The following TMEM267 variants were observed in gnomAD, a reference collection of about 807,000 sequenced individuals.
TMEM267 encodes transmembrane protein C5orf28.
In TMEM267, 20 loss-of-function variants were observed where a neutral mutation model predicts 19.3. The observed-to-expected ratio is 1.04, with a 90% CI of 0.73 to 1.51. TMEM267 has a LOEUF of 1.51. Ranked by LOEUF, TMEM267 falls within the 40% of genes most tolerant of loss-of-function variation. The probability of loss-of-function intolerance (pLI) is 0.00; values close to 1 mark genes in which losing one functional copy is unlikely to be tolerated. For missense variants in TMEM267, 242 were observed against 261.9 expected (o/e 0.92, Z 0.52); for synonymous variants, 88 against 90.3 (o/e 0.97, Z 0.15).
At chr5:43,464,151 T>C (rs1166552577) in intron 1 of TMEM267, among the ~76,000 whole-genome samples, 2 of 152,144 alleles carry the variant, frequency 1.3e-5, no homozygotes, top group African/African-American at 4.8e-5. Context: ...AGCATTCTTA[T>C]ACACCAATAA....
At chr5:43,468,957 A>AT (rs1408356960) in intron 1 of TMEM267, among the ~76,000 whole-genome samples, 1 of 152,236 alleles carries the variant, frequency 6.6e-6, no homozygotes, top group Non-Finnish European at 1.5e-5. Context: ...ATAAAACAAT[A>AT]TTCTCCTGAA....
chr5:43,459,874 G>A (rs6867927), intron 1 of TMEM267, among the ~76,000 whole-genome samples: 11,607 of 152,116 alleles, frequency 0.076, 772 homozygotes, highest in African/African-American at 0.18. Context: ...ATGGTTTTGC[G>A]ATGATTCAAG....
chr5:43,450,513 C>G (rs1184209928), intron 2 of TMEM267, among the ~76,000 whole-genome samples: 1 of 152,164 alleles, frequency 6.6e-6, no homozygotes, highest in Non-Finnish European at 1.5e-5. Context: ...TGTGCACTAT[C>G]TCACTTGATC....
intron 1 of TMEM267, among the ~76,000 whole-genome samples, chr5:43,478,422 T>G (rs1423891354): frequency 2.0e-5 from 3 of 152,164 alleles, no homozygotes; most frequent in Non-Finnish European, 2.9e-5. Flanking sequence ...CTTATATGAA[T>G]TTGTCAACAG....
At chr5:43,472,175 C>G (rs1416399714) in intron 1 of TMEM267, among the ~76,000 whole-genome samples, 2 of 152,122 alleles carry the variant, frequency 1.3e-5, no homozygotes, top group Non-Finnish European at 2.9e-5. Context: ...AAATGGCAAA[C>G]AGGCATATGT....
At chr5:43,466,635 A>G (rs1743696882) in intron 1 of TMEM267, among the ~76,000 whole-genome samples, 1 of 152,214 alleles carries the variant, frequency 6.6e-6, no homozygotes, top group African/African-American at 2.4e-5. Flanking sequence ...GGATGAAGTT[A>G]AAACAGAGTT....
chr5:43,450,133 T>C (rs2112020775), intron 2 of TMEM267, among the ~76,000 whole-genome samples: 1 of 152,088 alleles, frequency 6.6e-6, no homozygotes, highest in South Asian at 2.1e-4. Flanking sequence ...TAGGTGGAAC[T>C]ATAGGCATAC....
In TMEM267 at chr5:43,457,505, G is replaced by A. The variant is rs1417508380; in HGVS notation, c.-74-3462C>T. Among the ~76,000 whole-genome samples the A allele has an allele frequency of 2.0e-5, 3 of 152,140 alleles. 1 individual carries two copies. Among genetic ancestry groups the A allele is most frequent in the South Asian group, 4.1e-4 (2 of 4,822 alleles). ...TGGAAGGTAAAGAGGAAGGAGTCAC[G>A]TTTTACATGGCCAGAGTAGAAGACT... On this transcript the variant is annotated intron_variant, in intron 1 of 2. Coordinates refer to ENST00000397080, the MANE Select transcript of TMEM267 (RefSeq NM_022483.5).
rs540271700 is a variant in TMEM267, at chr5:43,466,925, G to C, written c.-74-12882C>G. On this transcript the variant is annotated intron_variant, in intron 1 of 2. Transcript: ENST00000397080. Reference sequence around the variant, plus strand: ...GCACTTTGGGAAAGCAAGGTGAGTCGATCATTTGAGGTCAGGAGTTTGAGA... The same window carrying C: ...GCACTTTGGGAAAGCAAGGTGAGTCCATCATTTGAGGTCAGGAGTTTGAGA... Among the ~76,000 whole-genome samples, 19 of 152,120 alleles carry C rather than the reference G, an allele frequency of 1.2e-4. No individual in the cohort carries two copies. In the South Asian group the frequency reaches 3.7e-3, roughly 30 times the overall value.
In TMEM267 at chr5:43,454,002, A is replaced by C. The variant is rs1175753575; in HGVS notation, c.-33T>G. The C allele has an allele frequency of 1.3e-6, 2 of 1,598,982 alleles. No individual in the cohort carries two copies. The highest frequency in any genetic ancestry group is 1.7e-6 in the Non-Finnish European group (2 of 1,171,756). ...AATATGTTAGTATAGACTAAAAGCCATCAGGAATGAACAGTCTATTCTTGT... is the reference window on the plus strand; with the variant it reads ...AATATGTTAGTATAGACTAAAAGCCCTCAGGAATGAACAGTCTATTCTTGT... On this transcript the variant is annotated 5_prime_UTR_variant, in exon 2 of 3. The change abolishes an upstream ATG in the 5' untranslated region. Transcript: ENST00000397080.
chr5:43,475,462 C>T lies in TMEM267; in HGVS notation c.-75+8360G>A, dbSNP rs530135892. On this transcript the variant is annotated intron_variant, in intron 1 of 2. Transcript: ENST00000397080. ...ATGGGTGCAGCAAACCACCATGGCA[C>T]GTGTATACCTATGCAACAAACCTGC... is the stretch of plus-strand genomic sequence containing the variant. 5.0e-3 allele frequency among the ~76,000 whole-genome samples: 765 copies of T among 152,080 alleles called. 7 individuals carry two copies. The highest frequency in any genetic ancestry group is 7.6e-3 in the Non-Finnish European group (520 of 67,998).
At chr5:43,473,546 C>T (rs1457602056) in intron 1 of TMEM267, among the ~76,000 whole-genome samples, 1 of 152,092 alleles carries the variant, frequency 6.6e-6, no homozygotes. Context: ...ATACAACTTA[C>T]AAGGGATATG....
At chr5:43,463,883 G>A (rs967351701) in intron 1 of TMEM267, among the ~76,000 whole-genome samples, 4 of 152,156 alleles carry the variant, frequency 2.6e-5, no homozygotes, top group Non-Finnish European at 4.4e-5. Context: ...CATTCCCTTT[G>A]AAAACTGGCA....
At chr5:43,454,656 CATG>C (rs1374400164) in intron 1 of TMEM267, 2 of 152,176 alleles carry the variant, frequency 1.3e-5, no homozygotes, top group Non-Finnish European at 2.9e-5. Flanking sequence ...CTAATAGAAT[CATG>C]ATGACAGTGA....
chr5:43,465,936 C>A (rs1396078425), intron 1 of TMEM267, among the ~76,000 whole-genome samples: 2 of 144,976 alleles, frequency 1.4e-5, no homozygotes, highest in Non-Finnish European at 3.0e-5. Flanking sequence ...CACATGTACC[C>A]TAAAACTTAA....
chr5:43,480,596 T>A (rs923851632), intron 1 of TMEM267, among the ~76,000 whole-genome samples: 3 of 151,888 alleles, frequency 2.0e-5, no homozygotes, highest in Non-Finnish European at 2.9e-5. Flanking sequence ...GCACTGGGAT[T>A]ACAGGAGTGA....
intron 2 of TMEM267, among the ~76,000 whole-genome samples, chr5:43,450,295 G>C (rs539136763): frequency 6.6e-6 from 1 of 152,070 alleles, no homozygotes; most frequent in Admixed American, 6.6e-5. Context: ...CCTGGCCTTT[G>C]ATTTTTTTAT....
chr5:43,461,388 T>C (rs183518333), intron 1 of TMEM267, among the ~76,000 whole-genome samples: 63 of 152,204 alleles, frequency 4.1e-4, no homozygotes, highest in Admixed American at 8.5e-4. Context: ...AAAAACTCCC[T>C]CTGTTTGACA....
intron 1 of TMEM267, among the ~76,000 whole-genome samples, chr5:43,479,059 C>T (rs1256434990): frequency 1.3e-5 from 2 of 150,866 alleles, no homozygotes; most frequent in African/African-American, 2.4e-5. Context: ...GAATATTCAG[C>T]ATAGCATTGT....
Sources: allele counts gnomAD v4.1 joint callset (sites outside exome capture counted in the v4.1 genomes callset), GRCh38; gene constraint gnomAD v4.1.1; transcripts MANE v1.5; gene names NCBI Gene and HGNC (gene_info 2026-07-23, HGNC 2026-07-21).